The following MBP variants were observed in gnomAD, a reference collection of about 807,000 sequenced individuals.
The protein encoded by MBP is Golli-MBP.
MBP carries 16 observed loss-of-function variants against 35.8 expected under a neutral mutation model. The observed-to-expected ratio is 0.45, with a 90% CI of 0.30 to 0.68. The LOEUF is 0.68. Ranked by LOEUF, MBP falls within the 30% of genes least tolerant of loss-of-function variation. MBP has a pLI of 0.08. For synonymous variants in MBP, 143 were observed against 159.6 expected (o/e 0.90, Z 0.78); for missense variants, 380 against 404.7 (o/e 0.94, Z 0.52).
intron 4 of MBP, among the ~76,000 whole-genome samples, chr18:76,995,639 A>G (rs1353960337): frequency 6.6e-6 from 1 of 152,158 alleles, no homozygotes; most frequent in Non-Finnish European, 1.5e-5. Flanking sequence ...AAAAACAACG[A>G]CCACGAAAAA....
Position 77,131,949 on chromosome 18 carries a change from C to T in MBP, c.-26+631G>A, listed in dbSNP as rs1464730272. Among the ~76,000 whole-genome samples the T allele has an allele frequency of 6.6e-6, 1 of 152,142 alleles. No homozygotes were observed. Among genetic ancestry groups the T allele is most frequent in the African/African-American group, 2.4e-5 (1 of 41,450 alleles). ...GAAGGCGGAAGCCCGGACCCGGGCTCTCCTGGCCGCCCCTGGAGCTCAGAG... is the reference window on the plus strand; with the variant it reads ...GAAGGCGGAAGCCCGGACCCGGGCTTTCCTGGCCGCCCCTGGAGCTCAGAG... On this transcript the variant is annotated intron_variant, in intron 1 of 8. Coordinates refer to ENST00000355994, the MANE Select transcript of MBP (RefSeq NM_001025101.2). The surrounding 1 kb of genome is among the most constrained non-coding windows in gnomAD (Gnocchi z 5.5).
intron 1 of MBP, among the ~76,000 whole-genome samples, chr18:77,117,413 C>A (rs989901767): frequency 6.6e-6 from 1 of 152,116 alleles, no homozygotes; most frequent in Non-Finnish European, 1.5e-5. Flanking sequence ...AGATCAGTAG[C>A]CTTCAAAAGG....
At chr18:77,089,858 A>G (rs1178829060) in intron 2 of MBP, among the ~76,000 whole-genome samples, 1 of 152,178 alleles carries the variant, frequency 6.6e-6, no homozygotes, top group Non-Finnish European at 1.5e-5. Flanking sequence ...TTCTTGCCCT[A>G]GCTCCTAGGC....
chr18:77,004,417 C>A (rs4527105), intron 4 of MBP: 2 of 152,228 alleles, frequency 1.3e-5, no homozygotes, highest in East Asian at 1.9e-4. Flanking sequence ...GGAGAGAATT[C>A]TTTTCTGTCT....
intron 3 of MBP, among the ~76,000 whole-genome samples, chr18:77,049,703 T>C (rs1308532551): frequency 6.6e-6 from 1 of 152,134 alleles, no homozygotes; most frequent in East Asian, 1.9e-4. Flanking sequence ...TTTTTTGAGA[T>C]GGAGTCTCGC....
intron 8 of MBP, chr18:76,981,090 G>A (rs1969171728): frequency 6.5e-6 from 1 of 153,866 alleles, no homozygotes; most frequent in African/African-American, 2.4e-5. Context: ...ATGTTTAAAA[G>A]AGAGTTGGCA....
Position 76,984,891 on chromosome 18 carries a change from C to T in MBP, c.754G>A (p.Ala252Thr), listed in dbSNP as rs757217586. ...CCAAATCCTGGTCTCTGGCCTTCGG[C>T]CCCCTGCAAGAGAAGACCACGGAGC... ...GLSLSRFSWG[A>T]EGQRPGFGYG... The change falls in exon 8 of 9, where the codon GCC becomes ACC. Residue 252 changes from alanine (A) to threonine (T), a missense_variant. Coordinates refer to ENST00000355994, the MANE Select transcript of MBP (RefSeq NM_001025101.2). The T allele has an allele frequency of 6.2e-7, 1 of 1,613,230 alleles. No individual in the cohort carries two copies. Among genetic ancestry groups the T allele is most frequent in the South Asian group, 1.1e-5 (1 of 91,056 alleles).
chr18:77,051,298 G>C (rs945249032), intron 3 of MBP, among the ~76,000 whole-genome samples: 1 of 152,166 alleles, frequency 6.6e-6, no homozygotes, highest in Non-Finnish European at 1.5e-5. Flanking sequence ...TTTCACTTGC[G>C]GGCGAATGAC....
chr18:77,122,598 A>G (rs1446320568), intron 1 of MBP, among the ~76,000 whole-genome samples: 7 of 152,230 alleles, frequency 4.6e-5, no homozygotes, highest in Non-Finnish European at 5.9e-5. Flanking sequence ...GCTGGAGTGC[A>G]TTGGCGCAAT....
intron 1 of MBP, among the ~76,000 whole-genome samples, chr18:77,130,394 C>A (rs1632498): frequency 0.19 from 25,394 of 135,818 alleles, 2,812 homozygotes; most frequent in African/African-American, 0.28. Flanking sequence ...GTTTCCTCAA[C>A]AGTAAAAAAT....
chr18:77,063,777 G>C (rs1349799386), intron 3 of MBP, among the ~76,000 whole-genome samples: 1 of 152,152 alleles, frequency 6.6e-6, no homozygotes, highest in Non-Finnish European at 1.5e-5. Context: ...AAAGATTAAG[G>C]AGGGCTGCGT....
intron 7 of MBP, chr18:76,987,871 AT>A (rs1337649468): frequency 3.8e-6 from 4 of 1,053,392 alleles, no homozygotes; most frequent in Non-Finnish European, 4.6e-6. Flanking sequence ...CAAATTGGCC[AT>A]TTTAAACCTT....
intron 4 of MBP, chr18:77,009,903 C>T: frequency 6.3e-7 from 1 of 1,594,294 alleles, no homozygotes; most frequent in Non-Finnish European, 8.5e-7. Context: ...GCAGAGGGCT[C>T]CGGCCCGGCT....
intron 3 of MBP, among the ~76,000 whole-genome samples, chr18:77,050,031 A>G (rs1323549613): frequency 6.6e-6 from 1 of 152,204 alleles, no homozygotes; most frequent in Non-Finnish European, 1.5e-5. Context: ...TAACTATGGA[A>G]ACAAGTGCTA....
chr18:77,076,936 CT>C (rs1974675737), intron 2 of MBP, among the ~76,000 whole-genome samples: 1 of 152,196 alleles, frequency 6.6e-6, no homozygotes, highest in African/African-American at 2.4e-5. Context: ...CTTAGTGTCT[CT>C]GTGCCTCTGT....
At position 77,017,160 on chromosome 18, in the gene MBP, G is replaced by C. The variant is rs866895503; in HGVS notation, c.248C>G (p.Ala83Gly). 3 of 1,552,768 alleles carry C rather than the reference G, an allele frequency of 1.9e-6. No individual in the cohort carries two copies. In the Middle Eastern group the frequency reaches 5.3e-4, roughly 272 times the overall value. ...PKNAWQDAHP[A>G]DPGSRPHLIR... The stretch of plus-strand genomic sequence containing the variant: ...CAAGTGGGGGCGGCTCCCTGGGTCA[G>C]CTGGGTGGGCATCCTGCCAGGCATT... The change falls in exon 4 of 9, where the codon GCT (alanine) becomes GGT (glycine). Residue 83 changes from alanine (A) to glycine (G), a missense_variant. Coordinates refer to ENST00000355994, the MANE Select transcript of MBP (RefSeq NM_001025101.2).
intron 4 of MBP, among the ~76,000 whole-genome samples, chr18:77,012,503 A>G (rs1045948363): frequency 3.3e-5 from 5 of 152,268 alleles, no homozygotes; most frequent in Non-Finnish European, 5.9e-5. Flanking sequence ...AGAAGACAGT[A>G]AAATGTCTCT....
intron 3 of MBP, among the ~76,000 whole-genome samples, chr18:77,057,779 C>T (rs1391774099): frequency 1.3e-5 from 2 of 151,984 alleles, no homozygotes; most frequent in African/African-American, 4.8e-5. Context: ...TAAAAAACCG[C>T]TACACGAAAA....
At chr18:77,086,059 T>C (rs1007572612) in intron 2 of MBP, among the ~76,000 whole-genome samples, 1 of 152,222 alleles carries the variant, frequency 6.6e-6, no homozygotes. Context: ...TAACTGCATC[T>C]GCATTCTAGT....
Sources: allele counts gnomAD v4.1 joint callset (sites outside exome capture counted in the v4.1 genomes callset), GRCh38; gene constraint gnomAD v4.1.1; non-coding constraint Gnocchi (gnomAD v3.1); transcripts MANE v1.5; gene names NCBI Gene and HGNC (gene_info 2026-07-23, HGNC 2026-07-21).